The following NLRC5 variants were observed in gnomAD, a reference collection of about 807,000 sequenced individuals.
NLRC5 encodes protein NLRC5.
In NLRC5, 114 loss-of-function variants were observed where a neutral mutation model predicts 206.9. The observed-to-expected ratio is 0.55, with a 90% confidence interval of 0.47 to 0.64. The LOEUF is 0.64. Among genes scored for constraint, NLRC5 ranks in the 30% least tolerant of loss-of-function variants. The pLI is 0.00. For missense variants in NLRC5, 2,008 were observed against 2,305.5 expected (o/e 0.87, Z 2.64); for synonymous variants, 952 against 962.8 (o/e 0.99, Z 0.21).
chr16:57,037,092 A>G (rs1157687792), intron 14 of NLRC5, 103 bp from the exon 15 acceptor site: 3 of 934,284 alleles, frequency 3.2e-6, no homozygotes, highest in Non-Finnish European at 5.3e-6. Flanking sequence ...GACATCCAGG[A>G]GTGACAGCCA....
chr16:57,051,020 T>C (rs573807620), intron 23 of NLRC5, among the ~76,000 whole-genome samples: 1 of 151,130 alleles, frequency 6.6e-6, no homozygotes, highest in African/African-American at 2.4e-5. Flanking sequence ...GCCTGGCTAA[T>C]TTTTTTTTCG....
At chr16:57,004,116 G>A (rs1175261352) in intron 1 of NLRC5, 1 of 152,460 alleles carries the variant, frequency 6.6e-6, no homozygotes, top group African/African-American at 2.4e-5. Flanking sequence ...GAGGAAAGGG[G>A]ACGTGAGGTA....
At chr16:57,061,904 A>AG in intron 32 of NLRC5, 1 of 1,531,280 alleles carries the variant, frequency 6.5e-7, no homozygotes, top group Non-Finnish European at 8.7e-7. Context: ...CCCACACTGG[A>AG]GGCCTGTGCT....
chr16:57,030,456 A>C (rs2061720573), intron 10 of NLRC5, among the ~76,000 whole-genome samples: 2 of 143,216 alleles, frequency 1.4e-5, no homozygotes, highest in African/African-American at 2.5e-5. Context: ...GGATGGATGG[A>C]TGGATGGATG....
chr16:57,013,012 A>G (rs1370779385), intron 1 of NLRC5: 2 of 162,598 alleles, frequency 1.2e-5, no homozygotes, highest in African/African-American at 4.8e-5. Context: ...TGCCATATGT[A>G]TATTTTTATA....
At chr16:56,998,168 AG>A (rs1307826878) in intron 1 of NLRC5, among the ~76,000 whole-genome samples, 2 of 149,690 alleles carry the variant, frequency 1.3e-5, no homozygotes, top group African/African-American at 2.4e-5. Context: ...CTAAATTCAA[AG>A]GGCCCAGCCT....
intron 1 of NLRC5, among the ~76,000 whole-genome samples, chr16:56,991,651 T>C (rs1209923783): frequency 1.3e-5 from 2 of 150,870 alleles, no homozygotes; most frequent in Non-Finnish European, 2.9e-5. Context: ...TGTGGGATTA[T>C]AGGCGTGAGC....
At chr16:57,057,504 A>G (rs1398205993) in intron 27 of NLRC5, among the ~76,000 whole-genome samples, 2 of 152,272 alleles carry the variant, frequency 1.3e-5, no homozygotes, top group South Asian at 2.1e-4. Flanking sequence ...CAATATTGAT[A>G]TTGCATTCCC....
chr16:57,020,960 C>G lies in NLRC5; in HGVS notation c.248C>G (p.Pro83Arg), dbSNP rs1356438800. ...IHCVCMQLEV[P>R]LDLEVLLLST... Reference sequence around the variant, plus strand: ...TGTGTGTGCATGCAGCTGGAGGTGCCTCTGGACCTGGAGGTGCTGCTGCTG... The same window carrying G: ...TGTGTGTGCATGCAGCTGGAGGTGCGTCTGGACCTGGAGGTGCTGCTGCTG... Residue 83 changes from proline to arginine, a missense_variant, in exon 3 of 49, where the codon CCT (proline) becomes CGT (arginine). Pro to Arg is a moderately radical substitution (Grantham distance 103). Coordinates refer to ENST00000688547, the MANE Select transcript of NLRC5 (RefSeq NM_001384950.1). The G allele has an allele frequency of 6.2e-7, 1 of 1,613,882 alleles. No individual in the cohort carries two copies. Among genetic ancestry groups the G allele is most frequent in the Non-Finnish European group, 8.5e-7 (1 of 1,179,996 alleles).
intron 1 of NLRC5, among the ~76,000 whole-genome samples, chr16:56,999,793 A>G (rs1357684912): frequency 6.6e-6 from 1 of 152,206 alleles, no homozygotes; most frequent in Non-Finnish European, 1.5e-5. Context: ...GGGCTCTCAG[A>G]GGACAAGAAT....
chr16:57,048,786 A>G (rs1474389347), intron 23 of NLRC5, among the ~76,000 whole-genome samples: 1 of 152,172 alleles, frequency 6.6e-6, no homozygotes, highest in Non-Finnish European at 1.5e-5. Flanking sequence ...CACCTTCCTC[A>G]GCCTCCCAAA....
chr16:57,023,717 G>A (rs1340939908), intron 4 of NLRC5, 68 bp from the exon 5 acceptor site: 3 of 1,373,092 alleles, frequency 2.2e-6, no homozygotes, highest in African/African-American at 2.9e-5. Flanking sequence ...GTTCCCCAAA[G>A]GTTCTGGGTA....
At chr16:57,053,993 T>C (rs1241948543) in intron 24 of NLRC5, among the ~76,000 whole-genome samples, 1 of 151,930 alleles carries the variant, frequency 6.6e-6, no homozygotes, top group Non-Finnish European at 1.5e-5. Context: ...GGGTGGATCT[T>C]GAGAGTGGAA....
intron 1 of NLRC5, among the ~76,000 whole-genome samples, chr16:57,006,603 T>C (rs1455595495): frequency 6.6e-6 from 1 of 151,956 alleles, no homozygotes; most frequent in Non-Finnish European, 1.5e-5. Context: ...AGATGTGCCA[T>C]AATTTAATCA....
intron 39 of NLRC5, 68 bp from the exon 40 acceptor site, chr16:57,076,748 GTTC>G: frequency 7.0e-7 from 1 of 1,427,670 alleles, no homozygotes; most frequent in Non-Finnish European, 9.9e-7. Flanking sequence ...AAACTGTAGA[GTTC>G]TTAGCACAGC....
chr16:57,033,529 A>G, intron 11 of NLRC5, 75 bp from the exon 12 acceptor site: 1 of 1,445,664 alleles, frequency 6.9e-7, no homozygotes. Context: ...AGCCTCTAGA[A>G]GCCAAGGAAA....
At chr16:57,038,763 C>T (rs1301843189) in intron 15 of NLRC5, among the ~76,000 whole-genome samples, 4 of 151,622 alleles carry the variant, frequency 2.6e-5, no homozygotes, top group South Asian at 4.2e-4. Context: ...GATGAAACCC[C>T]GTCTCTACTA....
intron 33 of NLRC5, among the ~76,000 whole-genome samples, chr16:57,065,815 A>T (rs2067018067): frequency 1.3e-5 from 2 of 152,196 alleles, no homozygotes. Flanking sequence ...CAAGAACTGG[A>T]GCCTGTAAAG....
At chr16:57,067,342 C>A in intron 34 of NLRC5, 45 bp from the exon 35 acceptor site, 2 of 1,507,048 alleles carry the variant, frequency 1.3e-6, no homozygotes, top group Non-Finnish European at 1.8e-6. Flanking sequence ...ATCCCACATA[C>A]TGGACTAGAT....
Sources: allele counts gnomAD v4.1 joint callset (sites outside exome capture counted in the v4.1 genomes callset), GRCh38; gene constraint gnomAD v4.1.1; transcripts MANE v1.5; gene names NCBI Gene and HGNC (gene_info 2026-07-23, HGNC 2026-07-21).